Variants in CLK4 observed in about 807,000 individuals in gnomAD.
CLK4 encodes the protein CDC like kinase 4, also known as dual specificity protein kinase CLK4.
Under a neutral mutation model 64.4 loss-of-function variants are expected in CLK4, and 37 were observed. That is an observed-to-expected ratio of 0.57 (90% CI 0.44 to 0.76). The LOEUF is 0.76. Ranked by LOEUF, CLK4 falls within the 30% of genes least tolerant of loss-of-function variation. The pLI is 0.00. For missense variants in CLK4, 457 were observed against 605.1 expected (o/e 0.76, Z 2.57); for synonymous variants, 175 against 191.6 (o/e 0.91, Z 0.72).
intron 10 of CLK4, 95 bp from the exon 11 acceptor site, chr5:178,605,477 G>T (rs1349986418): frequency 3.0e-6 from 2 of 676,766 alleles, no homozygotes; most frequent in Admixed American, 3.5e-5. Context: ...TTCTTTATTT[G>T]CACTTCTTAC....
Position 178,619,543 on chromosome 5 carries a change from C to T in CLK4, c.162-765G>A, listed in dbSNP as rs151185857. Among the ~76,000 whole-genome samples, 815 of 152,260 alleles carry T rather than the reference C, an allele frequency of 5.4e-3. 6 individuals carry two copies. The highest frequency in any genetic ancestry group is 8.3e-3 in the Non-Finnish European group (562 of 68,024). ...GTAGTTTAGCATTACAATAGTTCCA[C>T]CACCCTACTTCCCTTTGCATTTCTA... On this transcript the variant is annotated intron_variant, in intron 2 of 12. Transcript: ENST00000316308.
chr5:178,609,225 TA>T, intron 9 of CLK4, among the ~76,000 whole-genome samples: 1 of 152,324 alleles, frequency 6.6e-6, no homozygotes, highest in South Asian at 2.1e-4. Flanking sequence ...AATATTTAGT[TA>T]AAAAATGTAT....
chr5:178,607,644 G>A (rs1764487015), intron 10 of CLK4, among the ~76,000 whole-genome samples: 1 of 150,652 alleles, frequency 6.6e-6, no homozygotes, highest in African/African-American at 2.4e-5. Context: ...CCGAGTAGCT[G>A]GGACTACAGG....
At position 178,617,094 on chromosome 5, in the gene CLK4, C is replaced by T; in HGVS notation, c.476-146G>A. ...TTCAGCACTCAAATTATTTTAGTTT[C>T]AGCTGCTACAAAAACAATTAGATAG... On this transcript the variant is annotated intron_variant, in intron 4 of 12. Coordinates refer to ENST00000316308, the MANE Select transcript of CLK4 (RefSeq NM_020666.3). The surrounding 1 kb of genome is among the most constrained non-coding windows in gnomAD (Gnocchi z 5.2). 1.5e-6 allele frequency: 1 copy of T among 667,804 alleles called. No individual in the cohort carries two copies. The highest frequency in any genetic ancestry group is 2.6e-6 in the Non-Finnish European group (1 of 382,408). 41.4% of individuals were successfully genotyped at this position (667,804 alleles called of 1,614,324 possible).
chr5:178,615,703 A>AAT (rs1764617957), intron 5 of CLK4, among the ~76,000 whole-genome samples: 1 of 152,336 alleles, frequency 6.6e-6, no homozygotes, highest in Admixed American at 6.5e-5. Context: ...ACAGGTTGGA[A>AAT]ATTACATCCT....
chr5:178,611,736 T>G (rs988401614), intron 9 of CLK4, among the ~76,000 whole-genome samples: 4 of 152,212 alleles, frequency 2.6e-5, no homozygotes, highest in African/African-American at 9.7e-5. Context: ...CAATCTAACC[T>G]CAGTTGGACC....
At chr5:178,614,394 A>ACTT (rs1764599430) in intron 5 of CLK4, among the ~76,000 whole-genome samples, 1 of 152,230 alleles carries the variant, frequency 6.6e-6, no homozygotes, top group African/African-American at 2.4e-5. Context: ...CCCAACTCTA[A>ACTT]GTAATGAAGC....
intron 10 of CLK4, chr5:178,605,887 A>G (rs1269652849): frequency 6.6e-6 from 1 of 152,254 alleles, no homozygotes; most frequent in African/African-American, 2.4e-5. Flanking sequence ...CAGATAGTAA[A>G]TATTTTAGGC....
intron 11 of CLK4, chr5:178,604,405 C>T (rs764255131): frequency 6.7e-6 from 1 of 148,998 alleles, no homozygotes; most frequent in Non-Finnish European, 1.5e-5. Context: ...ATTATTTTTA[C>T]ATCGCCTTAA....
In CLK4 at chr5:178,618,691, T is replaced by A; in HGVS notation, c.249A>T (p.Gly83=). 1 of 1,613,996 alleles carries A rather than the reference T, an allele frequency of 6.2e-7. No homozygotes were observed. The highest frequency in any genetic ancestry group is 8.5e-7 in the Non-Finnish European group (1 of 1,179,894). ...VDEYRNDYCE[G]YVPRHYHRDI... is the part of the protein sequence containing the mutation. ...CTCTGTGATAATGTCTAGGAACATA[T>A]CCTTCACAGTAGTCATTCCTGTATT... Residue 83 remains glycine (G), a synonymous_variant, in exon 3 of 13, where the codon GGA becomes GGT. Transcript: ENST00000316308.
intron 1 of CLK4, among the ~76,000 whole-genome samples, 151 bp downstream of exon 1, chr5:178,626,795 G>A (rs931054249): frequency 6.6e-6 from 1 of 152,222 alleles, no homozygotes; most frequent in African/African-American, 2.4e-5. Flanking sequence ...TTTCGGTGCT[G>A]CCGGCGTGCA....
intron 2 of CLK4, 170 bp downstream of exon 2, chr5:178,623,086 T>C: frequency 1.6e-6 from 1 of 625,322 alleles, no homozygotes; most frequent in Non-Finnish European, 2.7e-6. Context: ...TTTGTTTTAT[T>C]TACAGCTGTA....
intron 2 of CLK4, chr5:178,619,727 T>C: frequency 4.1e-6 from 5 of 1,208,152 alleles, no homozygotes; most frequent in Non-Finnish European, 5.4e-6. Context: ...GCAAGGAATT[T>C]CAAAGGTCAT....
Position 178,613,474 on chromosome 5 carries a change from A to G in CLK4, c.825T>C (p.Asn275=), listed in dbSNP as rs777329896. Residue 275 remains asparagine (N), a splice_region_variant and synonymous_variant, in exon 7 of 13, where the codon AAT becomes AAC. Transcript: ENST00000316308. ...TAAAGATTTATCAAGTGTACTTACA[A>G]TTTATTGACTGGCAGATCTGATACG... ...QMAYQICQSI[N]FLHHNKLTHT... 6.5e-7 allele frequency: 1 copy of G among 1,533,548 alleles called. No individual in the cohort carries two copies. The highest frequency in any genetic ancestry group is 2.2e-5 in the Admixed American group (1 of 44,600). The allele number at this position is 1,533,548 out of a possible 1,614,324, so 95.0% of individuals were successfully genotyped here.
chr5:178,606,529 G>A (rs1471791323), intron 10 of CLK4, among the ~76,000 whole-genome samples: 1 of 152,140 alleles, frequency 6.6e-6, no homozygotes, highest in Admixed American at 6.5e-5. Context: ...CCCCTGCACT[G>A]CTCTAACTTC....
At chr5:178,609,073 AT>A (rs1190586644) in intron 9 of CLK4, among the ~76,000 whole-genome samples, 1 of 152,208 alleles carries the variant, frequency 6.6e-6, no homozygotes. Flanking sequence ...CTGTCTATAC[AT>A]GATTTTATAT....
At chr5:178,626,236 C>T (rs552557850) in intron 1 of CLK4, among the ~76,000 whole-genome samples, 30 of 152,184 alleles carry the variant, frequency 2.0e-4, no homozygotes, top group Non-Finnish European at 2.1e-4. Context: ...CTGGCGAGTT[C>T]AGTTTGCGGG....
At position 178,616,873 on chromosome 5, in the gene CLK4, CA is replaced by C. The variant is rs1310208092; in HGVS notation, c.542+8del. 2.5e-6 allele frequency: 4 copies of C among 1,602,294 alleles called. No homozygotes were observed. Among genetic ancestry groups the C allele is most frequent in the Admixed American group, 1.7e-5 (1 of 58,992 alleles). ...ATCAGAATGTTTGAAAAGGAAAAAA[CA>C]AACTTACATGCCATGATCAATGCAC... On this transcript the variant is annotated splice_region_variant and intron_variant, in intron 5 of 12. Coordinates refer to ENST00000316308, the MANE Select transcript of CLK4 (RefSeq NM_020666.3).
chr5:178,618,266 T>C (rs1259597316), intron 3 of CLK4: 1 of 154,678 alleles, frequency 6.5e-6, no homozygotes, highest in East Asian at 1.9e-4. Context: ...GATTTTTTCA[T>C]AAGAATATGT....
Sources: allele counts gnomAD v4.1 joint callset (sites outside exome capture counted in the v4.1 genomes callset), GRCh38; gene constraint gnomAD v4.1.1; non-coding constraint Gnocchi (gnomAD v3.1); transcripts MANE v1.5; gene names NCBI Gene and HGNC (gene_info 2026-07-23, HGNC 2026-07-21).